Variants in PDGFC observed in about 807,000 individuals in gnomAD.
PDGFC encodes platelet-derived growth factor C.
Under a neutral mutation model 35.5 loss-of-function variants are expected in PDGFC, and 12 were observed. That is an observed-to-expected ratio of 0.34 (90% confidence interval 0.22 to 0.55). PDGFC has a LOEUF of 0.55. Ranked by LOEUF, PDGFC falls within the 20% of genes least tolerant of loss-of-function variation. The pLI is 0.91. For missense variants in PDGFC, 322 were observed against 412.4 expected (o/e 0.78, Z 1.90); for synonymous variants, 159 against 148.8 (o/e 1.07, Z -0.50).
intron 2 of PDGFC, among the ~76,000 whole-genome samples, chr4:156,828,180 A>G (rs1029857594): frequency 1.3e-5 from 2 of 152,206 alleles, no homozygotes; most frequent in Non-Finnish European, 2.9e-5. Context: ...GCAGACCACA[A>G]GTGCCTTCTA....
At chr4:156,959,993 T>C (rs1292835739) in intron 1 of PDGFC, among the ~76,000 whole-genome samples, 1 of 151,498 alleles carries the variant, frequency 6.6e-6, no homozygotes, top group Non-Finnish European at 1.5e-5. Flanking sequence ...TAATCACTAA[T>C]TTTTTCTTCG....
At chr4:156,913,287 T>G (rs532172990) in intron 1 of PDGFC, among the ~76,000 whole-genome samples, 62 of 152,168 alleles carry the variant, frequency 4.1e-4, no homozygotes, top group Non-Finnish European at 7.1e-4. Context: ...TACAGAGCCC[T>G]ACAACGGAGT....
At chr4:156,953,038 G>C (rs1348082984) in intron 1 of PDGFC, among the ~76,000 whole-genome samples, 2 of 151,810 alleles carry the variant, frequency 1.3e-5, no homozygotes, top group Non-Finnish European at 2.9e-5. Context: ...CCAACAAAAA[G>C]CCTAAGCACA....
chr4:156,824,325 T>TATATACACACACATATACAC (rs1313538089), intron 2 of PDGFC, among the ~76,000 whole-genome samples: 4 of 109,636 alleles, frequency 3.6e-5, no homozygotes, highest in African/African-American at 1.4e-4. Flanking sequence ...TATATATATA[T>TATATACACACACATATACAC]ATACACACAC....
At chr4:156,820,746 A>G (rs756797178) in intron 2 of PDGFC, among the ~76,000 whole-genome samples, 8 of 152,224 alleles carry the variant, frequency 5.3e-5, no homozygotes, top group Non-Finnish European at 1.2e-4. Flanking sequence ...CATACTCATA[A>G]ACACTGAAAC....
Position 156,850,430 on chromosome 4 carries a change from C to G in PDGFC, c.119-14G>C. Reference sequence around the variant, plus strand: ...GATCTTGTACTCCTAAAGCAAAAAACATAGACATAGACATACATTTAGATT... The same window carrying G: ...GATCTTGTACTCCTAAAGCAAAAAAGATAGACATAGACATACATTTAGATT... On this transcript the variant is annotated splice_polypyrimidine_tract_variant and intron_variant, in intron 1 of 5. Transcript: ENST00000502773. The G allele has an allele frequency of 7.1e-7, 1 of 1,418,242 alleles. No homozygotes were observed. Among genetic ancestry groups the G allele is most frequent in the Non-Finnish European group, 9.7e-7 (1 of 1,035,302 alleles). 87.9% of individuals were successfully genotyped at this position (1,418,242 alleles called of 1,614,324 possible).
At position 156,937,883 on chromosome 4, in the gene PDGFC, G is replaced by A. The variant is rs367947045; in HGVS notation, c.118+32903C>T. The stretch of plus-strand genomic sequence containing the variant: ...ATGGTGGAAAAAAAAATTACCTTAA[G>A]ATAAAGTTCTTTAGAGAATAATGAA... On this transcript the variant is annotated intron_variant, in intron 1 of 5. Transcript: ENST00000502773. Among the ~76,000 whole-genome samples the A allele has an allele frequency of 2.6e-5, 4 of 152,096 alleles. No individual in the cohort carries two copies. In the South Asian group the frequency reaches 6.2e-4, roughly 24 times the overall value.
At chr4:156,888,274 T>C (rs983367447) in intron 1 of PDGFC, among the ~76,000 whole-genome samples, 1 of 152,144 alleles carries the variant, frequency 6.6e-6, no homozygotes, top group African/African-American at 2.4e-5. Flanking sequence ...CCCTGGTATT[T>C]AGAGAACAAT....
chr4:156,856,687 T>C (rs929929391), intron 1 of PDGFC, among the ~76,000 whole-genome samples: 3 of 152,166 alleles, frequency 2.0e-5, no homozygotes, highest in Admixed American at 1.3e-4. Flanking sequence ...CTTGAGATTA[T>C]ACAAACGTGG....
intron 1 of PDGFC, among the ~76,000 whole-genome samples, chr4:156,879,224 G>A (rs1314682145): frequency 2.6e-5 from 4 of 152,082 alleles, no homozygotes; most frequent in African/African-American, 9.7e-5. Context: ...ATCACAAAAA[G>A]GAGAGGTTTG....
rs143125647 is a variant in PDGFC, at chr4:156,919,292, G to C, written c.118+51494C>G. 4.3e-3 allele frequency among the ~76,000 whole-genome samples: 658 copies of C among 152,250 alleles called. 3 individuals carry two copies. Among genetic ancestry groups the C allele is most frequent in the Non-Finnish European group, 7.2e-3 (492 of 68,008 alleles). On this transcript the variant is annotated intron_variant, in intron 1 of 5. Transcript: ENST00000502773. ...GAAAATGCATGCGCTTTACATACAGGTGATCCCCAACTTTCCTAAATGACC... is the reference window on the plus strand; with the variant it reads ...GAAAATGCATGCGCTTTACATACAGCTGATCCCCAACTTTCCTAAATGACC...
At chr4:156,908,836 A>G (rs1417118869) in intron 1 of PDGFC, among the ~76,000 whole-genome samples, 1 of 152,226 alleles carries the variant, frequency 6.6e-6, no homozygotes, top group East Asian at 1.9e-4. Context: ...GAAATAATCC[A>G]ATGTCCAACT....
At chr4:156,786,543 A>T (rs985438498) in intron 3 of PDGFC, among the ~76,000 whole-genome samples, 3 of 152,126 alleles carry the variant, frequency 2.0e-5, no homozygotes, top group African/African-American at 7.2e-5. Context: ...TCAAGGAATG[A>T]CAAGGAGGGG....
At chr4:156,928,620 T>G (rs745846769) in intron 1 of PDGFC, among the ~76,000 whole-genome samples, 1 of 152,122 alleles carries the variant, frequency 6.6e-6, no homozygotes, top group African/African-American at 2.4e-5. Flanking sequence ...CAAAGAGATA[T>G]TGCACCCCAA....
intron 1 of PDGFC, among the ~76,000 whole-genome samples, chr4:156,898,540 T>C (rs1730689012): frequency 2.6e-5 from 4 of 152,196 alleles, no homozygotes; most frequent in Admixed American, 2.6e-4. Context: ...CAACTGCAAC[T>C]TGTGTTTGCT....
intron 1 of PDGFC, among the ~76,000 whole-genome samples, chr4:156,938,881 C>T (rs1560882249): frequency 6.6e-6 from 1 of 151,352 alleles, no homozygotes; most frequent in Non-Finnish European, 1.5e-5. Flanking sequence ...TTATATTGTT[C>T]AATCCTTAGA....
At chr4:156,780,228 G>A (rs976916172) in intron 3 of PDGFC, among the ~76,000 whole-genome samples, 6 of 149,952 alleles carry the variant, frequency 4.0e-5, no homozygotes, top group East Asian at 2.0e-4. Context: ...ACAAAGTATC[G>A]CAGGAATTTT....
chr4:156,958,941 T>C (rs1252971842), intron 1 of PDGFC, among the ~76,000 whole-genome samples: 1 of 152,092 alleles, frequency 6.6e-6, no homozygotes, highest in Non-Finnish European at 1.5e-5. Flanking sequence ...ACAGTAACTA[T>C]AAATCCTAAC....
At chr4:156,779,756 G>A (rs530282373) in intron 3 of PDGFC, among the ~76,000 whole-genome samples, 24 of 152,232 alleles carry the variant, frequency 1.6e-4, no homozygotes, top group African/African-American at 5.3e-4. Context: ...CACTTTTCCC[G>A]TCATCATGAA....
Sources: allele counts gnomAD v4.1 joint callset (sites outside exome capture counted in the v4.1 genomes callset), GRCh38; gene constraint gnomAD v4.1.1; transcripts MANE v1.5; gene names NCBI Gene and HGNC (gene_info 2026-07-23, HGNC 2026-07-21).